SHISA9: variants seen among roughly 807,000 people sequenced by gnomAD.
SHISA9 encodes protein shisa-9.
A neutral mutation model predicts 38.0 loss-of-function variants in SHISA9; 13 were observed. The ratio of observed to expected loss-of-function variants is 0.34; its 90% CI spans 0.22 to 0.54. The LOEUF is 0.54. Among genes scored for constraint, SHISA9 ranks in the 20% least tolerant of loss-of-function variants. SHISA9 has a pLI of 0.91. For synonymous variants in SHISA9, 275 were observed against 242.0 expected (o/e 1.14, Z -1.27); for missense variants, 538 against 575.8 (o/e 0.93, Z 0.67).
the SHISA9 span, among the ~76,000 whole-genome samples, chr16:13,469,419 AAG>A: frequency 1.8e-5 from 2 of 112,952 alleles, no homozygotes; most frequent in African/African-American, 3.2e-5. Flanking sequence ...GAAAGAAAGA[AAG>A]AAAAAGAAAG....
the SHISA9 span, among the ~76,000 whole-genome samples, chr16:13,453,532 G>T: frequency 2.0e-5 from 3 of 152,176 alleles, no homozygotes; most frequent in African/African-American, 7.2e-5. Context: ...GCCTACTGGA[G>T]GATGACAGAC....
chr16:13,380,746 T>C, the SHISA9 span, among the ~76,000 whole-genome samples: 5 of 152,178 alleles, frequency 3.3e-5, no homozygotes, highest in Non-Finnish European at 7.3e-5. Flanking sequence ...TAGGTATACA[T>C]GTGCCCTGGT....
chr16:13,540,268 C>G, the SHISA9 span, among the ~76,000 whole-genome samples: 3 of 152,106 alleles, frequency 2.0e-5, no homozygotes, highest in South Asian at 6.2e-4. Context: ...CTCATGTTCC[C>G]TCACTCTTAT....
the SHISA9 span, among the ~76,000 whole-genome samples, chr16:13,297,355 T>C: frequency 6.6e-6 from 1 of 152,148 alleles, no homozygotes; most frequent in East Asian, 1.9e-4. Flanking sequence ...GGCCATATAA[T>C]TTTTTAGGAA....
At chr16:13,488,812 A>G in the SHISA9 span, among the ~76,000 whole-genome samples, 1 of 152,094 alleles carries the variant, frequency 6.6e-6, no homozygotes, top group Non-Finnish European at 1.5e-5. Context: ...CCCAGGCTGG[A>G]GTGCAGTGGC....
the SHISA9 span, among the ~76,000 whole-genome samples, chr16:13,405,936 C>G: frequency 3.1e-5 from 3 of 98,104 alleles, no homozygotes; most frequent in Non-Finnish European, 4.2e-5. Flanking sequence ...GCAAAGAAAT[C>G]ATGACAAAAA....
At chr16:13,562,441 C>G in the SHISA9 span, among the ~76,000 whole-genome samples, 4 of 151,976 alleles carry the variant, frequency 2.6e-5, no homozygotes, top group Non-Finnish European at 4.4e-5. Context: ...ACCAGCCTGG[C>G]CAACACGGTG....
intron 2 of SHISA9, among the ~76,000 whole-genome samples, chr16:12,990,246 A>T (rs146417748): frequency 6.6e-6 from 1 of 152,256 alleles, no homozygotes; most frequent in East Asian, 1.9e-4. Context: ...GTGAACATAC[A>T]TGTGCATCTA....
chr16:13,307,468 G>A, the SHISA9 span, among the ~76,000 whole-genome samples: 1 of 152,168 alleles, frequency 6.6e-6, no homozygotes. Flanking sequence ...GAAGCACGTG[G>A]TCGCTTCCTG....
chr16:12,980,538 G>T (rs574313389), intron 2 of SHISA9, among the ~76,000 whole-genome samples: 1 of 148,464 alleles, frequency 6.7e-6, no homozygotes, highest in South Asian at 2.1e-4. Flanking sequence ...GTTTTTAATA[G>T]TTTCTGAATT....
chr16:13,396,686 A>G, the SHISA9 span, among the ~76,000 whole-genome samples: 1 of 152,308 alleles, frequency 6.6e-6, no homozygotes, highest in Non-Finnish European at 1.5e-5. Flanking sequence ...TTCTTGCTTC[A>G]GGGCTTTTGC....
At chr16:12,954,391 T>C (rs2071801318) in intron 2 of SHISA9, among the ~76,000 whole-genome samples, 2 of 152,214 alleles carry the variant, frequency 1.3e-5, no homozygotes, top group South Asian at 4.1e-4. Flanking sequence ...TGAATGACTT[T>C]AAATAAAGGG....
chr16:13,474,354 T>A, the SHISA9 span: 1 of 152,234 alleles, frequency 6.6e-6, no homozygotes, highest in Non-Finnish European at 1.5e-5. Context: ...GGGAACTTTT[T>A]ATTTAATGCA....
the SHISA9 span, among the ~76,000 whole-genome samples, chr16:13,247,294 G>T: frequency 6.6e-6 from 1 of 152,062 alleles, no homozygotes; most frequent in South Asian, 2.1e-4. Context: ...GATTAAATTT[G>T]GGTGGGGACA....
At chr16:13,228,987 G>A (rs1228051511) in intron 4 of SHISA9, among the ~76,000 whole-genome samples, 1 of 152,028 alleles carries the variant, frequency 6.6e-6, no homozygotes. Context: ...ATGGAAAAAC[G>A]CTTCTCTACT....
At chr16:13,209,744 A>G (rs756499555) in intron 3 of SHISA9, among the ~76,000 whole-genome samples, 4 of 152,218 alleles carry the variant, frequency 2.6e-5, no homozygotes, top group Non-Finnish European at 4.4e-5. Context: ...CCATATGGTT[A>G]CAATATGGGA....
At chr16:13,134,239 A>G (rs2050329006) in intron 2 of SHISA9, among the ~76,000 whole-genome samples, 1 of 152,260 alleles carries the variant, frequency 6.6e-6, no homozygotes, top group Admixed American at 6.5e-5. Context: ...AATAGGGAAC[A>G]GTAATAATAC....
At chr16:13,401,244 G>A in the SHISA9 span, among the ~76,000 whole-genome samples, 1 of 152,134 alleles carries the variant, frequency 6.6e-6, no homozygotes, top group South Asian at 2.1e-4. Context: ...CAGTTATTCA[G>A]CCTTATTTTT....
chr16:13,121,665 C>T (rs2141978241), intron 2 of SHISA9, among the ~76,000 whole-genome samples: 1 of 152,112 alleles, frequency 6.6e-6, no homozygotes, highest in South Asian at 2.1e-4. Flanking sequence ...ATCTGCTCTG[C>T]AAGCATCCAC....
Sources: allele counts gnomAD v4.1 joint callset (sites outside exome capture counted in the v4.1 genomes callset), GRCh38; gene constraint gnomAD v4.1.1; transcripts MANE v1.5; gene names NCBI Gene and HGNC (gene_info 2026-07-23, HGNC 2026-07-21).